CMSS1: variants seen among roughly 807,000 people sequenced by gnomAD.
CMSS1 encodes the protein cms1 ribosomal small subunit homolog.
In CMSS1, 33 loss-of-function variants were observed where a neutral mutation model predicts 43.5. The observed-to-expected ratio is 0.76, with a 90% CI of 0.57 to 1.01. The LOEUF (loss-of-function observed/expected upper bound fraction) is 1.01, where lower values mean the gene tolerates loss of function less well. Among genes scored for constraint, CMSS1 ranks in the 50% least tolerant of loss-of-function variants. CMSS1 has a pLI of 0.00. For missense variants in CMSS1, 313 were observed against 326.4 expected (o/e 0.96, Z 0.32); for synonymous variants, 115 against 117.2 (o/e 0.98, Z 0.12).
At chr3:100,162,216 C>A (rs552421754) in intron 3 of CMSS1, 87 bp from the exon 4 acceptor site, 1 of 1,143,534 alleles carries the variant, frequency 8.7e-7, no homozygotes, top group East Asian at 2.5e-5. Flanking sequence ...AGCTATGTGC[C>A]GTTTAAATGC....
chr3:99,832,242 T>G (rs1489668919), intron 1 of CMSS1, among the ~76,000 whole-genome samples: 1 of 151,292 alleles, frequency 6.6e-6, no homozygotes, highest in Non-Finnish European at 1.5e-5. Context: ...TTTTTTTTTT[T>G]TTTTTTGAGA....
At chr3:100,091,032 TC>T (rs1247037298) in intron 1 of CMSS1, among the ~76,000 whole-genome samples, 1 of 152,138 alleles carries the variant, frequency 6.6e-6, no homozygotes, top group Non-Finnish European at 1.5e-5. Flanking sequence ...ACGCCTGTAA[TC>T]CCAGAACTTT....
Position 99,966,126 on chromosome 3 carries a change from T to C in CMSS1, c.64+148083T>C, listed in dbSNP as rs1295285948. 2.6e-5 allele frequency among the ~76,000 whole-genome samples: 4 copies of C among 152,204 alleles called. No homozygotes were observed. In the East Asian group the frequency reaches 7.7e-4, roughly 29 times the overall value. On this transcript the variant is annotated intron_variant, in intron 1 of 9. Coordinates refer to ENST00000421999, the MANE Select transcript of CMSS1 (RefSeq NM_032359.4). Reference sequence around the variant, plus strand: ...AGGGATATCTCTCTCACAATATCTCTTAGGAAAGGTAAATAAAATGTTCAC... The same window carrying C: ...AGGGATATCTCTCTCACAATATCTCCTAGGAAAGGTAAATAAAATGTTCAC...
chr3:99,991,877 CATATATGT>C (rs1401955759), intron 1 of CMSS1, among the ~76,000 whole-genome samples: 1 of 145,420 alleles, frequency 6.9e-6, no homozygotes, highest in Non-Finnish European at 1.5e-5. Context: ...TATATACACA[CATATATGT>C]ATATATGTGT....
At chr3:100,144,736 G>A (rs751117409) in intron 1 of CMSS1, among the ~76,000 whole-genome samples, 1 of 152,208 alleles carries the variant, frequency 6.6e-6, no homozygotes, top group Non-Finnish European at 1.5e-5. Context: ...GGTCATTTTG[G>A]TAAAGAGAGC....
At chr3:100,159,782 T>C in intron 2 of CMSS1, 3 of 387,596 alleles carry the variant, frequency 7.7e-6, no homozygotes, top group Non-Finnish European at 1.6e-5. Flanking sequence ...ACTGGGGTAC[T>C]CAGGGGTCAA....
chr3:100,154,146 T>A (rs755615839), intron 2 of CMSS1, among the ~76,000 whole-genome samples: 6 of 152,140 alleles, frequency 3.9e-5, no homozygotes, highest in Non-Finnish European at 5.9e-5. Context: ...CACCCCAGCC[T>A]GGGACTATTT....
rs373504477 is a variant in CMSS1, at chr3:99,850,039, G to A, written c.64+31996G>A. The stretch of plus-strand genomic sequence containing the variant: ...TTCTACATCGGTTTTGGACTTGAGC[G>A]CCCTTTTAGTTTCCTCAATTAACTT... On this transcript the variant is annotated intron_variant, in intron 1 of 9. Coordinates refer to ENST00000421999, the MANE Select transcript of CMSS1 (RefSeq NM_032359.4). The A allele has an allele frequency of 7.5e-6, 12 of 1,609,344 alleles. No individual in the cohort carries two copies. The African/African-American group carries it at 8.1e-5, about 11-fold the overall frequency.
chr3:99,996,525 C>T (rs1419905244), intron 1 of CMSS1, among the ~76,000 whole-genome samples: 1 of 152,148 alleles, frequency 6.6e-6, no homozygotes, highest in African/African-American at 2.4e-5. Flanking sequence ...AGCAATGCCC[C>T]ACTCCACCAG....
intron 1 of CMSS1, among the ~76,000 whole-genome samples, chr3:100,091,253 C>G (rs2066101988): frequency 6.7e-6 from 1 of 150,076 alleles, no homozygotes; most frequent in Non-Finnish European, 1.5e-5. Flanking sequence ...CCACTGCACT[C>G]CAGACTAGGC....
chr3:100,070,072 G>A (rs955579132), intron 1 of CMSS1, among the ~76,000 whole-genome samples: 34 of 152,136 alleles, frequency 2.2e-4, no homozygotes, highest in Non-Finnish European at 4.4e-5. Flanking sequence ...ATGTACACAT[G>A]GCACTGTCAT....
chr3:100,045,053 G>C (rs978816747), intron 1 of CMSS1, among the ~76,000 whole-genome samples: 1 of 152,262 alleles, frequency 6.6e-6, no homozygotes, highest in Admixed American at 6.5e-5. Context: ...TGAGATGCTT[G>C]TGATATATCC....
chr3:100,053,561 C>T (rs751335344), intron 1 of CMSS1, among the ~76,000 whole-genome samples: 13 of 152,160 alleles, frequency 8.5e-5, no homozygotes, highest in South Asian at 4.1e-4. Flanking sequence ...AACTTGATTA[C>T]GTCAGCAAAC....
chr3:100,146,933 GA>G (rs917541850), intron 1 of CMSS1, 39 bp from the exon 2 acceptor site: 1 of 1,594,946 alleles, frequency 6.3e-7, no homozygotes, highest in African/African-American at 1.3e-5. Flanking sequence ...AGCAATGAGA[GA>G]GAGAGACTTT....
chr3:100,016,959 A>G (rs531501015), intron 1 of CMSS1, among the ~76,000 whole-genome samples: 1 of 152,332 alleles, frequency 6.6e-6, no homozygotes, highest in South Asian at 2.1e-4. Flanking sequence ...GAATCATTTT[A>G]TATTTACATA....
chr3:100,133,132 T>C (rs1299763553), intron 1 of CMSS1, among the ~76,000 whole-genome samples: 1 of 152,150 alleles, frequency 6.6e-6, no homozygotes, highest in Non-Finnish European at 1.5e-5. Context: ...ATGATGTTTA[T>C]TATACTATAT....
intron 8 of CMSS1, among the ~76,000 whole-genome samples, chr3:100,173,317 C>A (rs140039919): frequency 5.5e-4 from 84 of 152,294 alleles, no homozygotes; most frequent in African/African-American, 1.9e-3. Flanking sequence ...TTGTACGCAG[C>A]GCTACGCTTG....
In CMSS1 at chr3:100,147,054, C is replaced by A. The variant is rs769622807; in HGVS notation, c.146C>A (p.Thr49Asn). The A allele has an allele frequency of 1.1e-5, 18 of 1,613,680 alleles. No individual in the cohort carries two copies. The highest frequency in any genetic ancestry group is 1.5e-5 in the Non-Finnish European group (18 of 1,179,842). Residue 49 changes from threonine (T) to asparagine (N), a missense_variant, in exon 2 of 10, where the codon ACC (threonine) becomes AAC (asparagine). Thr to Asn is a moderately conservative substitution (Grantham distance 65). Transcript: ENST00000421999. ...CCAGTTCCTGTACCTTCAGAGAAAA[C>A]CAAACAGGTGAGGGGTCACTGTGGG... ...TVPVPVPSEKTKQPKECFLIQ... is the reference protein window; with the variant it reads ...TVPVPVPSEKNKQPKECFLIQ...
At chr3:100,080,642 G>A (rs939368044) in intron 1 of CMSS1, among the ~76,000 whole-genome samples, 1 of 152,168 alleles carries the variant, frequency 6.6e-6, no homozygotes, top group African/African-American at 2.4e-5. Flanking sequence ...CTGTTCTCCC[G>A]ATAGCAAGAG....
Sources: allele counts gnomAD v4.1 joint callset (sites outside exome capture counted in the v4.1 genomes callset), GRCh38; gene constraint gnomAD v4.1.1; transcripts MANE v1.5; gene names NCBI Gene and HGNC (gene_info 2026-07-23, HGNC 2026-07-21).